The following CTIF variants were observed in gnomAD, a reference collection of about 807,000 sequenced individuals.
The protein encoded by CTIF is cap binding complex dependent translation initiation factor.
In CTIF, 21 loss-of-function variants were observed where a neutral mutation model predicts 66.0. The ratio of observed to expected loss-of-function variants is 0.32; its 90% CI spans 0.23 to 0.46. The LOEUF (loss-of-function observed/expected upper bound fraction) is 0.46, where lower values mean the gene tolerates loss of function less well. Among genes scored for constraint, CTIF ranks in the 20% least tolerant of loss-of-function variants. The pLI, the probability that CTIF is intolerant of heterozygous loss-of-function variation, is 1.00. For missense variants in CTIF, 739 were observed against 812.7 expected (o/e 0.91, Z 1.10); for synonymous variants, 345 against 326.4 (o/e 1.06, Z -0.62).
intron 9 of CTIF, among the ~76,000 whole-genome samples, chr18:48,796,135 A>T (rs1279687604): frequency 6.6e-6 from 1 of 152,188 alleles, no homozygotes; most frequent in Non-Finnish European, 1.5e-5. Flanking sequence ...AGCTGGGACT[A>T]CAGGCATGTG....
intron 1 of CTIF, among the ~76,000 whole-genome samples, chr18:48,549,103 A>G (rs1006698061): frequency 2.6e-5 from 4 of 152,108 alleles, no homozygotes; most frequent in African/African-American, 9.7e-5. Context: ...TGTGGGTCAT[A>G]CCTGACACTA....
intron 6 of CTIF, among the ~76,000 whole-genome samples, chr18:48,694,477 G>A (rs1198355173): frequency 6.6e-6 from 1 of 152,190 alleles, no homozygotes; most frequent in African/African-American, 2.4e-5. Flanking sequence ...ATTCCTTCTT[G>A]AGCCACCGCT....
chr18:48,575,521 C>T lies in CTIF; in HGVS notation c.-29+36209C>T, dbSNP rs146737213. On this transcript the variant is annotated intron_variant, in intron 1 of 11. Coordinates refer to ENST00000256413, the MANE Select transcript of CTIF (RefSeq NM_014772.3). ...AGCTGACCCAGCTGGATTACAGCAG[C>T]GCACTGTGAGTGGAACAGAGTTGCG... Among the ~76,000 whole-genome samples the T allele has an allele frequency of 3.2e-3, 494 of 152,334 alleles. 1 individual carries two copies. Among genetic ancestry groups the T allele is most frequent in the African/African-American group, 0.011 (473 of 41,578 alleles).
chr18:48,809,274 T>G (rs1156939299), intron 9 of CTIF, among the ~76,000 whole-genome samples: 1 of 152,212 alleles, frequency 6.6e-6, no homozygotes, highest in Non-Finnish European at 1.5e-5. Context: ...TGATACTCTT[T>G]ATTAAAGGCT....
At chr18:48,670,852 C>A in intron 6 of CTIF, 108 bp downstream of exon 6, 1 of 944,932 alleles carries the variant, frequency 1.1e-6, no homozygotes, top group Non-Finnish European at 1.7e-6. Context: ...CTTGTTCCAG[C>A]AAGGAGTGTA....
chr18:48,835,454 A>G (rs2068788100), intron 10 of CTIF, among the ~76,000 whole-genome samples: 2 of 152,212 alleles, frequency 1.3e-5, no homozygotes, highest in Admixed American at 6.5e-5. Context: ...GGTGGCCTTC[A>G]GGGTCTGAGA....
At chr18:48,648,858 G>A (rs1243224737) in intron 3 of CTIF, among the ~76,000 whole-genome samples, 5 of 152,228 alleles carry the variant, frequency 3.3e-5, no homozygotes, top group African/African-American at 4.8e-5. Flanking sequence ...GGTGGCTCAC[G>A]CCTGTGATCC....
intron 1 of CTIF, among the ~76,000 whole-genome samples, chr18:48,569,929 T>C (rs1383412586): frequency 6.6e-6 from 1 of 152,214 alleles, no homozygotes; most frequent in African/African-American, 2.4e-5. Context: ...TATCTCTGTT[T>C]CTAGGGCCAG....
intron 2 of CTIF, 123 bp from the exon 3 acceptor site, chr18:48,636,491 T>C (rs767099024): frequency 3.3e-6 from 2 of 607,376 alleles, no homozygotes; most frequent in Non-Finnish European, 5.1e-6. Flanking sequence ...TGCATTGAAA[T>C]GGCCAAATAG....
At chr18:48,682,183 C>CTGG (rs1385761373) in intron 6 of CTIF, among the ~76,000 whole-genome samples, 1 of 152,228 alleles carries the variant, frequency 6.6e-6, no homozygotes, top group African/African-American at 2.4e-5. Flanking sequence ...ATTGATTCAC[C>CTGG]TGGCTCCTCC....
At chr18:48,554,630 G>A (rs1299702700) in intron 1 of CTIF, among the ~76,000 whole-genome samples, 1 of 152,272 alleles carries the variant, frequency 6.6e-6, no homozygotes, top group African/African-American at 2.4e-5. Flanking sequence ...TCTCCTCTCT[G>A]TCAGCCTAAC....
chr18:48,643,479 G>A (rs1054657272), intron 3 of CTIF, among the ~76,000 whole-genome samples: 4 of 152,170 alleles, frequency 2.6e-5, no homozygotes, highest in Admixed American at 2.6e-4. Context: ...CTGAGTTGGG[G>A]CAGGACCCTC....
At chr18:48,732,108 C>G (rs1403120847) in intron 7 of CTIF, among the ~76,000 whole-genome samples, 1 of 152,178 alleles carries the variant, frequency 6.6e-6, no homozygotes, top group African/African-American at 2.4e-5. Context: ...CCGAGGAGAC[C>G]ATGCTGCAGC....
intron 9 of CTIF, among the ~76,000 whole-genome samples, chr18:48,770,340 G>A (rs1048368060): frequency 6.6e-6 from 1 of 151,968 alleles, no homozygotes; most frequent in African/African-American, 2.4e-5. Flanking sequence ...GCGCCACTGC[G>A]CCACTACTGT....
chr18:48,798,970 G>C (rs2067991126), intron 9 of CTIF, among the ~76,000 whole-genome samples: 1 of 152,186 alleles, frequency 6.6e-6, no homozygotes, highest in Admixed American at 6.5e-5. Context: ...AGGCAAGGCT[G>C]CTCTAATCTT....
chr18:48,704,185 G>A (rs184429928), intron 6 of CTIF, among the ~76,000 whole-genome samples: 9 of 152,226 alleles, frequency 5.9e-5, no homozygotes, highest in South Asian at 4.1e-4. Flanking sequence ...CCCTGGTACC[G>A]TAGGCCATGT....
At chr18:48,580,447 A>T (rs1343635926) in intron 1 of CTIF, among the ~76,000 whole-genome samples, 1 of 150,362 alleles carries the variant, frequency 6.7e-6, no homozygotes, top group Non-Finnish European at 1.5e-5. Context: ...AAACATTCTA[A>T]CTCTCGGGGG....
At chr18:48,664,613 C>A in intron 5 of CTIF, 62 bp downstream of exon 5, 1 of 1,427,604 alleles carries the variant, frequency 7.0e-7, no homozygotes, top group Non-Finnish European at 9.8e-7. Flanking sequence ...GTGGCCTTTG[C>A]CTCCACAGGG....
At chr18:48,678,351 C>T (rs567028486) in intron 6 of CTIF, among the ~76,000 whole-genome samples, 3 of 152,226 alleles carry the variant, frequency 2.0e-5, no homozygotes, top group Non-Finnish European at 2.9e-5. Flanking sequence ...TGGCCCAAGA[C>T]GCTGTAGCAG....
Sources: allele counts gnomAD v4.1 joint callset (sites outside exome capture counted in the v4.1 genomes callset), GRCh38; gene constraint gnomAD v4.1.1; transcripts MANE v1.5; gene names NCBI Gene and HGNC (gene_info 2026-07-23, HGNC 2026-07-21).